ABCA13: variants seen among roughly 807,000 people sequenced by gnomAD.
The protein encoded by ABCA13 is ATP-binding cassette sub-family A member 13.
ABCA13 carries 476 observed loss-of-function variants against 478.7 expected under a neutral mutation model. The ratio of observed to expected loss-of-function variants is 0.99; its 90% CI spans 0.92 to 1.07. The LOEUF (loss-of-function observed/expected upper bound fraction) is 1.07, where lower values mean the gene tolerates loss of function less well. ABCA13 is among the 50% of genes least tolerant of loss of function. The pLI is 0.00. For synonymous variants in ABCA13, 2,252 were observed against 2,158.9 expected (o/e 1.04, Z -1.20); for missense variants, 6,060 against 5,910.6 (o/e 1.03, Z -0.83).
rs1007767336 is a variant in ABCA13, at chr7:48,447,705, G to C, written c.12566-7332G>C. 7.2e-5 allele frequency among the ~76,000 whole-genome samples: 11 copies of C among 152,274 alleles called. No homozygotes were observed. The East Asian group carries it at 9.7e-4, about 13-fold the overall frequency. The stretch of plus-strand genomic sequence containing the variant: ...ACCTCAGGAAGGCAATACATAGATA[G>C]GGATGCTGAATACAATATTTGGTCA... On this transcript the variant is annotated intron_variant, in intron 42 of 61. Coordinates refer to ENST00000435803, the MANE Select transcript of ABCA13 (RefSeq NM_152701.5).
In ABCA13 at chr7:48,350,736, T is replaced by G. The variant is rs1296465475; in HGVS notation, c.10298T>G (p.Leu3433Arg). The change falls in exon 30 of 62, where the codon CTG (leucine) becomes CGG (arginine). Residue 3433 changes from leucine (L) to arginine (R), a missense_variant. This residue lies in a region of ABCA13 where 4,423 missense variants were observed against 4,309.1 expected (regional missense o/e 1.03). Coordinates refer to ENST00000435803, the MANE Select transcript of ABCA13 (RefSeq NM_152701.5). ...ILVNLSSCVA[L>R]NRFQALQSVD... ...GTCAATCTCTCTTCCTGCGTGGCAC[T>G]GAACCGTTTCCAGGCTCTGCAGTCT... The G allele has an allele frequency of 6.2e-7, 1 of 1,613,874 alleles. No individual in the cohort carries two copies. The highest frequency in any genetic ancestry group is 8.5e-7 in the Non-Finnish European group (1 of 1,179,874).
chr7:48,622,017 A>T (rs1793187523), intron 59 of ABCA13, among the ~76,000 whole-genome samples: 1 of 152,126 alleles, frequency 6.6e-6, no homozygotes, highest in African/African-American at 2.4e-5. Context: ...CATAGGGAAA[A>T]GTGTATTTGC....
chr7:48,244,445 T>G, intron 10 of ABCA13, 131 bp from the exon 11 acceptor site: 2 of 1,117,654 alleles, frequency 1.8e-6, no homozygotes, highest in Non-Finnish European at 2.5e-6. Flanking sequence ...TGTGATGAAG[T>G]GTGACTTTCA....
intron 31 of ABCA13, among the ~76,000 whole-genome samples, chr7:48,355,403 A>C (rs1809736850): frequency 6.6e-6 from 1 of 152,074 alleles, no homozygotes; most frequent in Middle Eastern, 3.4e-3. Flanking sequence ...GCACAAGGGC[A>C]AGAGGGTGGG....
chr7:48,582,705 C>T lies in ABCA13; in HGVS notation c.14505+2331C>T, dbSNP rs184591299. On this transcript the variant is annotated intron_variant, in intron 56 of 61. Coordinates refer to ENST00000435803, the MANE Select transcript of ABCA13 (RefSeq NM_152701.5). Reference sequence around the variant, plus strand: ...GCTGAGCCAGTCCACCTGTGCTCCACTTGCTGGTCATTTCTAAGTATGGTC... The same window carrying T: ...GCTGAGCCAGTCCACCTGTGCTCCATTTGCTGGTCATTTCTAAGTATGGTC... Among the ~76,000 whole-genome samples the T allele has an allele frequency of 5.9e-5, 9 of 152,288 alleles. 1 individual carries two copies. In the Middle Eastern group the frequency reaches 0.01, roughly 173 times the overall value.
chr7:48,624,091 T>G (rs1793430371), intron 59 of ABCA13, among the ~76,000 whole-genome samples: 1 of 151,862 alleles, frequency 6.6e-6, no homozygotes, highest in African/African-American at 2.4e-5. Context: ...TGTGTGTGTG[T>G]GTGTGTGTGG....
rs550092130 is a variant in ABCA13, at chr7:48,412,047, G to A, written c.12229-306G>A. Among the ~76,000 whole-genome samples, 93 of 152,244 alleles carry A rather than the reference G, an allele frequency of 6.1e-4. 1 individual carries two copies. Among genetic ancestry groups the A allele is most frequent in the African/African-American group, 2.1e-3 (88 of 41,538 alleles). ...TCTCTCTGTGACTCTCCCAGTGGAC[G>A]GGGGGCACTTCATGAATACAAACCT... On this transcript the variant is annotated intron_variant, in intron 40 of 61. Coordinates refer to ENST00000435803, the MANE Select transcript of ABCA13 (RefSeq NM_152701.5).
chr7:48,554,171 C>T (rs887151291), intron 55 of ABCA13, among the ~76,000 whole-genome samples: 41 of 151,824 alleles, frequency 2.7e-4, no homozygotes, highest in South Asian at 1.0e-3. Flanking sequence ...TCTATTCTGT[C>T]GCATTGGCCT....
intron 1 of ABCA13, among the ~76,000 whole-genome samples, chr7:48,184,245 C>A (rs1223603878): frequency 6.6e-6 from 1 of 152,086 alleles, no homozygotes; most frequent in Non-Finnish European, 1.5e-5. Context: ...CTTGTCTGCT[C>A]ATTTCTTTTG....
chr7:48,626,122 G>T (rs540603299), intron 59 of ABCA13, among the ~76,000 whole-genome samples: 2 of 152,188 alleles, frequency 1.3e-5, no homozygotes, highest in Non-Finnish European at 2.9e-5. Context: ...TAGTGCCAGG[G>T]TCTTGGGATT....
At chr7:48,571,864 G>A (rs1458945554) in intron 55 of ABCA13, among the ~76,000 whole-genome samples, 2 of 152,138 alleles carry the variant, frequency 1.3e-5, no homozygotes, top group Non-Finnish European at 2.9e-5. Flanking sequence ...TGATATGAAA[G>A]GGAAAACTTT....
rs777751271 is a variant in ABCA13 at position 48,403,808 on chromosome 7, A to G, written c.11999A>G (p.Asp4000Gly). The G allele has an allele frequency of 2.5e-6, 4 of 1,613,808 alleles. No individual in the cohort carries two copies. Among genetic ancestry groups the G allele is most frequent in the Non-Finnish European group, 3.4e-6 (4 of 1,179,854 alleles). Residue 4000 changes from aspartate to glycine, a missense_variant, in exon 39 of 62, where the codon GAT (aspartate) becomes GGT (glycine). By Grantham distance (94) the Asp-to-Gly change is moderately conservative (BLOSUM62 -1). Coordinates refer to ENST00000435803, the MANE Select transcript of ABCA13 (RefSeq NM_152701.5). ...GGCATGTCGAGGACCGTGGTTCTGG[A>G]TGAGCCCACCAGTGGGGTGGACCCT... ...FMGMSRTVVL[D>G]EPTSGVDPCS...
chr7:48,489,625 ACTTAATAT>A (rs1335387672), intron 48 of ABCA13, among the ~76,000 whole-genome samples: 1 of 152,182 alleles, frequency 6.6e-6, no homozygotes, highest in Non-Finnish European at 1.5e-5. Context: ...TTATTCTGTG[ACTTAATAT>A]CTTACAGAAG....
chr7:48,333,816 A>C (rs1385247310), intron 27 of ABCA13, among the ~76,000 whole-genome samples: 1 of 152,190 alleles, frequency 6.6e-6, no homozygotes, highest in South Asian at 2.1e-4. Flanking sequence ...TCTTTGTTGC[A>C]TCAGGAGCCA....
At chr7:48,326,173 T>C (rs549486747) in intron 27 of ABCA13, among the ~76,000 whole-genome samples, 18 of 152,202 alleles carry the variant, frequency 1.2e-4, no homozygotes, top group African/African-American at 3.4e-4. Flanking sequence ...GCTTGCTCCA[T>C]GGGAGCCTTT....
At chr7:48,405,644 A>C (rs1422017035) in intron 39 of ABCA13, among the ~76,000 whole-genome samples, 1 of 152,238 alleles carries the variant, frequency 6.6e-6, no homozygotes, top group East Asian at 1.9e-4. Context: ...GGTGCAAATT[A>C]AATACCACAA....
At chr7:48,174,951 G>T (rs1794641147) in intron 1 of ABCA13, among the ~76,000 whole-genome samples, 1 of 152,148 alleles carries the variant, frequency 6.6e-6, no homozygotes. Flanking sequence ...ACATCATTAT[G>T]CATGAAGGAC....
intron 8 of ABCA13, among the ~76,000 whole-genome samples, chr7:48,235,227 A>G (rs1480096263): frequency 1.3e-5 from 2 of 152,206 alleles, no homozygotes; most frequent in African/African-American, 2.4e-5. Context: ...TTTATGAACT[A>G]TCTACCTACC....
intron 1 of ABCA13, among the ~76,000 whole-genome samples, chr7:48,182,125 TAA>T (rs1297069146): frequency 6.6e-6 from 1 of 152,164 alleles, no homozygotes; most frequent in Non-Finnish European, 1.5e-5. Flanking sequence ...CACAACGTCC[TAA>T]GTCACTAGTG....
Sources: allele counts gnomAD v4.1 joint callset (sites outside exome capture counted in the v4.1 genomes callset), GRCh38; gene constraint gnomAD v4.1.1; regional missense constraint gnomAD v4.1.1; transcripts MANE v1.5; gene names NCBI Gene and HGNC (gene_info 2026-07-23, HGNC 2026-07-21).